The following SHC4 variants were observed in gnomAD, a reference collection of about 807,000 sequenced individuals.
SHC4 encodes SHC-transforming protein 4.
Under a neutral mutation model 69.4 loss-of-function variants are expected in SHC4, and 41 were observed. That is an observed-to-expected ratio of 0.59 (90% CI 0.46 to 0.77). The LOEUF (loss-of-function observed/expected upper bound fraction) is 0.77. Among genes scored for constraint, SHC4 ranks in the 30% least tolerant of loss-of-function variants. The pLI is 0.00. For missense variants in SHC4, 777 were observed against 783.8 expected (o/e 0.99, Z 0.10); for synonymous variants, 318 against 299.3 (o/e 1.06, Z -0.64).
At position 48,924,994 on chromosome 15, in the gene SHC4, A is replaced by G. The variant is rs1900825191; in HGVS notation, c.586-45T>C. ...AAGAAGAAGTAGGACAAAAATTCCAAGAAGCTGTCTCTTAGCTTCACGGCA... is the reference window on the plus strand; with the variant it reads ...AAGAAGAAGTAGGACAAAAATTCCAGGAAGCTGTCTCTTAGCTTCACGGCA... On this transcript the variant is annotated intron_variant, in intron 1 of 11. Coordinates refer to ENST00000332408, the MANE Select transcript of SHC4 (RefSeq NM_203349.4). The G allele has an allele frequency of 1.9e-6, 3 of 1,604,282 alleles. No homozygotes were observed. The African/African-American group carries it at 4.0e-5, about 21-fold the overall frequency.
rs557576422 is a variant in SHC4, at chr15:48,934,992, G to A, written c.586-10043C>T. Among the ~76,000 whole-genome samples the A allele has an allele frequency of 5.3e-5, 8 of 152,260 alleles. 1 individual carries two copies. Among genetic ancestry groups the A allele is most frequent in the Admixed American group, 4.6e-4 (7 of 15,278 alleles). The stretch of plus-strand genomic sequence containing the variant: ...CTTTGGGGGTTGATAAAAATGTTCT[G>A]TAATTGGTGATAGTTGCACAACTCT... On this transcript the variant is annotated intron_variant, in intron 1 of 11. Coordinates refer to ENST00000332408, the MANE Select transcript of SHC4 (RefSeq NM_203349.4).
chr15:48,960,746 A>G (rs569614712), intron 1 of SHC4, among the ~76,000 whole-genome samples: 1 of 152,224 alleles, frequency 6.6e-6, no homozygotes, highest in Non-Finnish European at 1.5e-5. Context: ...CTACCTACAT[A>G]TTAGCATTAT....
intron 1 of SHC4, among the ~76,000 whole-genome samples, chr15:48,927,218 C>T (rs1415570913): frequency 6.6e-6 from 1 of 152,180 alleles, no homozygotes; most frequent in Non-Finnish European, 1.5e-5. Flanking sequence ...ACTGACTTCT[C>T]TGGCTTTTGG....
intron 1 of SHC4, among the ~76,000 whole-genome samples, chr15:48,943,146 A>G (rs1439752064): frequency 2.0e-5 from 3 of 152,256 alleles, no homozygotes; most frequent in East Asian, 1.9e-4. Flanking sequence ...CAAATTTTCC[A>G]TCTACAATCC....
chr15:48,924,954 A>G lies in SHC4; in HGVS notation c.586-5T>C. On this transcript the variant is annotated splice_polypyrimidine_tract_variant and splice_region_variant and intron_variant, in intron 1 of 11. Transcript: ENST00000332408. ...CACTTCAACACAGCCCATGTACTAC[A>G]ATAAGAAGAAAAAAAAGAAGAAGTA... is the stretch of plus-strand genomic sequence containing the variant. 2.5e-6 allele frequency: 4 copies of G among 1,613,976 alleles called. No homozygotes were observed. The highest frequency in any genetic ancestry group is 3.4e-6 in the Non-Finnish European group (4 of 1,179,952).
chr15:48,925,498 A>G (rs1392953379), intron 1 of SHC4, among the ~76,000 whole-genome samples: 1 of 152,266 alleles, frequency 6.6e-6, no homozygotes, highest in Non-Finnish European at 1.5e-5. Context: ...TAGAACAAGC[A>G]TATAAATGCA....
intron 2 of SHC4, among the ~76,000 whole-genome samples, chr15:48,911,243 C>T (rs1393911818): frequency 6.6e-6 from 1 of 152,066 alleles, no homozygotes; most frequent in Non-Finnish European, 1.5e-5. Context: ...AATTTGGGAG[C>T]TCCAGTGTTA....
At position 48,942,117 on chromosome 15, in the gene SHC4, T is replaced by C. The variant is rs534156169; in HGVS notation, c.586-17168A>G. Among the ~76,000 whole-genome samples the C allele has an allele frequency of 2.0e-5, 3 of 152,204 alleles. No homozygotes were observed. The East Asian group carries it at 5.8e-4, about 29-fold the overall frequency. On this transcript the variant is annotated intron_variant, in intron 1 of 11. Transcript: ENST00000332408. ...CAGTAACTGTAGGGTTGCTTCAGGA[T>C]TACATCACAGGGTCATCATGATCAG...
rs1379028943 is a variant in SHC4 at position 48,916,280 on chromosome 15, C to T, written c.656+8599G>A. The stretch of plus-strand genomic sequence containing the variant: ...TTTGCAGCTGATGGTTGCTCACACA[C>T]ACACACACACACACACACACACACA... On this transcript the variant is annotated intron_variant, in intron 2 of 11. Transcript: ENST00000332408. Among the ~76,000 whole-genome samples the T allele has an allele frequency of 8.4e-5, 3 of 35,588 alleles. 1 individual carries two copies. The highest frequency in any genetic ancestry group is 1.9e-4 in the African/African-American group (2 of 10,432). The allele number at this position is 35,588 out of a possible 152,430, so 23.3% of individuals were successfully genotyped here. A position where few individuals can be genotyped will look rare whatever the true frequency, so the allele number is the denominator to read the frequency against.
rs1163417432 is a variant in SHC4 at position 48,834,909 on chromosome 15, T to G, written c.1597A>C (p.Arg533=). 1.2e-6 allele frequency: 2 copies of G among 1,614,110 alleles called. No individual in the cohort carries two copies. The highest frequency in any genetic ancestry group is 1.7e-6 in the Non-Finnish European group (2 of 1,180,006). ...SEECYHGKLS[R]KAAESLLVKD... is the part of the protein sequence containing the mutation. ...ACCAAGAGGCTCTCTGCCGCCTTCC[T>G]GCTCAGCTTGCCATGATAGCATTCT... Residue 533 remains arginine, a synonymous_variant, in exon 11 of 12, where the codon AGG becomes CGG. Coordinates refer to ENST00000332408, the MANE Select transcript of SHC4 (RefSeq NM_203349.4).
At position 48,824,713 on chromosome 15, in the gene SHC4, A is replaced by G. The variant is rs896332356; in HGVS notation, c.*1258T>C. ...AACTTGCTTTTTAGAGACTCATACT[A>G]TAAGTTAGGACTGAAGTAGTCCTCC... On this transcript the variant is annotated 3_prime_UTR_variant, in exon 12 of 12. Coordinates refer to ENST00000332408, the MANE Select transcript of SHC4 (RefSeq NM_203349.4). 1 of 152,400 alleles carries G rather than the reference A, an allele frequency of 6.6e-6. No homozygotes were observed. The highest frequency in any genetic ancestry group is 1.5e-5 in the Non-Finnish European group (1 of 68,030). The allele number at this position is 152,400 out of a possible 1,614,324, so 9.4% of individuals were successfully genotyped here. A position where few individuals can be genotyped will look rare whatever the true frequency, so the allele number is the denominator to read the frequency against.
chr15:48,846,526 T>C (rs943108165), intron 9 of SHC4, among the ~76,000 whole-genome samples: 65 of 152,178 alleles, frequency 4.3e-4, no homozygotes, highest in African/African-American at 1.5e-3. Context: ...TCTGAAACCA[T>C]CTTTTTCAGG....
chr15:48,872,094 C>T lies in SHC4; in HGVS notation c.889G>A (p.Asp297Asn). The T allele has an allele frequency of 1.9e-6, 3 of 1,592,096 alleles. No individual in the cohort carries two copies. Among genetic ancestry groups the T allele is most frequent in the Non-Finnish European group, 2.6e-6 (3 of 1,165,264 alleles). The change falls in exon 5 of 12, where the codon GAT (aspartate) becomes AAT (asparagine). Residue 297 changes from aspartate (D) to asparagine (N), a missense_variant. By Grantham distance (23) the Asp-to-Asn change is conservative. Coordinates refer to ENST00000332408, the MANE Select transcript of SHC4 (RefSeq NM_203349.4). ...TTCTGTGAATCCATACTTACAGGAT[C>T]CCCTCCAGAGGCAAATGAAATAGAC... ...MQSISFASGG[D>N]PDTTDYVAYV... is the part of the protein sequence containing the mutation.
intron 9 of SHC4, among the ~76,000 whole-genome samples, chr15:48,848,694 T>A (rs963451034): frequency 2.6e-5 from 4 of 152,174 alleles, no homozygotes; most frequent in African/African-American, 9.7e-5. Flanking sequence ...TGTTTGTTGG[T>A]TTAAAGAAGA....
intron 2 of SHC4, among the ~76,000 whole-genome samples, chr15:48,922,481 G>C (rs7170005): frequency 0.62 from 95,002 of 152,036 alleles, 30,100 homozygotes; most frequent in East Asian, 0.71. Context: ...TAGATCTGGT[G>C]TGTGATGAAG....
intron 11 of SHC4, among the ~76,000 whole-genome samples, chr15:48,832,618 G>T (rs1898826827): frequency 6.6e-6 from 1 of 151,970 alleles, no homozygotes; most frequent in Non-Finnish European, 1.5e-5. Context: ...TAAGCTTTCT[G>T]CCCCCTTTCC....
At chr15:48,897,698 G>T (rs1900247797) in intron 2 of SHC4, among the ~76,000 whole-genome samples, 1 of 140,522 alleles carries the variant, frequency 7.1e-6, no homozygotes, top group African/African-American at 2.7e-5. Flanking sequence ...CATGAAACCA[G>T]GCAAAGGGGC....
At chr15:48,830,723 T>A (rs1453000931) in intron 11 of SHC4, among the ~76,000 whole-genome samples, 2 of 152,196 alleles carry the variant, frequency 1.3e-5, no homozygotes, top group East Asian at 3.8e-4. Flanking sequence ...AGGTTTTCAT[T>A]AATAGAAAAG....
intron 10 of SHC4, 32 bp downstream of exon 10, chr15:48,843,377 G>A (rs754658361): frequency 6.4e-7 from 1 of 1,560,964 alleles, no homozygotes. Context: ...ACAGCCCTAA[G>A]AAATGAATAC....
Sources: gnomAD v4.1 joint callset for allele counts (sites outside exome capture counted in the v4.1 genomes callset) on GRCh38, gnomAD v4.1.1 for gene constraint, MANE v1.5 for transcripts, NCBI Gene and HGNC (gene_info 2026-07-23, HGNC 2026-07-21) for gene names.